FAM184A: variants seen among roughly 807,000 people sequenced by gnomAD.
The protein encoded by FAM184A is protein FAM184A.
A neutral mutation model predicts 143.8 loss-of-function variants in FAM184A; 99 were observed. That is an observed-to-expected ratio of 0.69 (90% CI 0.58 to 0.81). The LOEUF is 0.81. Among genes scored for constraint, FAM184A ranks in the 40% least tolerant of loss-of-function variants. The pLI, the probability that FAM184A is intolerant of heterozygous loss-of-function variation, is 0.00. For missense variants in FAM184A, 1,217 were observed against 1,310.5 expected (o/e 0.93, Z 1.10); for synonymous variants, 427 against 446.4 (o/e 0.96, Z 0.55).
At chr6:119,014,276 G>A (rs1785172535) in intron 5 of FAM184A, among the ~76,000 whole-genome samples, 1 of 152,234 alleles carries the variant, frequency 6.6e-6, no homozygotes, top group Admixed American at 6.5e-5. Context: ...CACTTTATCT[G>A]ACTTAATCCT....
In FAM184A at chr6:119,052,148, C is replaced by T. The variant is rs561079509; in HGVS notation, c.159+25993G>A. ...TCTCCTGTAATTCCTAAATTAGTTA[C>T]CTAACTCAAGCATAATTCAAAGACT... On this transcript the variant is annotated intron_variant, in intron 1 of 17. Transcript: ENST00000338891. Among the ~76,000 whole-genome samples the T allele has an allele frequency of 3.9e-5, 6 of 152,272 alleles. No homozygotes were observed. The East Asian group carries it at 1.2e-3, about 29-fold the overall frequency.
At chr6:119,000,571 G>T (rs898688100) in intron 9 of FAM184A, among the ~76,000 whole-genome samples, 24 of 152,080 alleles carry the variant, frequency 1.6e-4, no homozygotes, top group Non-Finnish European at 3.5e-4. Flanking sequence ...AGCCCATGAT[G>T]GCCGGCTTAA....
At chr6:118,986,009 T>C (rs971341167) in intron 9 of FAM184A, among the ~76,000 whole-genome samples, 8 of 152,122 alleles carry the variant, frequency 5.3e-5, no homozygotes, top group African/African-American at 1.9e-4. Flanking sequence ...GAAAAGTAAA[T>C]TTGGCCTGGC....
Position 119,030,772 on chromosome 6 carries a change from G to GA in FAM184A, c.160-5960dup, listed in dbSNP as rs895385177. Reference sequence around the variant, plus strand: ...AAAATTGGCTATTTTTTTACAAATAGAAAAAAAAACTCTCTTAAAGTCTCT... The same window carrying GA: ...AAAATTGGCTATTTTTTTACAAATAGAAAAAAAAAACTCTCTTAAAGTCTCT... On this transcript the variant is annotated intron_variant, in intron 1 of 17. Transcript: ENST00000338891. Among the ~76,000 whole-genome samples, 16 of 149,646 alleles carry GA rather than the reference G, an allele frequency of 1.1e-4. 1 individual carries two copies. Among genetic ancestry groups the GA allele is most frequent in the East Asian group, 2.0e-4 (1 of 5,102 alleles).
chr6:119,120,638 T>C (rs76114502), intron 1 of FAM184A, among the ~76,000 whole-genome samples: 8,935 of 152,314 alleles, frequency 0.059, 350 homozygotes, highest in Non-Finnish European at 0.088. Context: ...AGGGTTCAAA[T>C]TTCTCCATAT....
At chr6:118,960,857 C>T (rs756308057) in intron 17 of FAM184A, 5 of 1,361,490 alleles carry the variant, frequency 3.7e-6, no homozygotes, top group Non-Finnish European at 4.9e-6. Flanking sequence ...ATGCATCTTA[C>T]TGATACCTGA....
chr6:119,023,250 T>A (rs1402165995), intron 2 of FAM184A, among the ~76,000 whole-genome samples, 170 bp from the exon 3 acceptor site: 1 of 152,230 alleles, frequency 6.6e-6, no homozygotes. Context: ...TTCATAAACA[T>A]GACCCAATCA....
chr6:119,006,593 C>A lies in FAM184A; in HGVS notation c.1669G>T (p.Asp557Tyr), dbSNP rs746167661. 107 of 1,611,864 alleles carry A rather than the reference C, an allele frequency of 6.6e-5. No homozygotes were observed. Among genetic ancestry groups the A allele is most frequent in the Non-Finnish European group, 8.1e-5 (96 of 1,179,194 alleles). ...CCTTGTTCACTTTTCCTTACCATATCTTGGAGGTGGCCAATCTGTAAGTAA... is the reference window on the plus strand; with the variant it reads ...CCTTGTTCACTTTTCCTTACCATATATTGGAGGTGGCCAATCTGTAAGTAA... The part of the protein sequence containing the change: ...TANQEIGHLQ[D>Y]MVRKSEQGLG... The change falls in exon 7 of 18, where the codon GAT (aspartate) becomes TAT (tyrosine). Residue 557 changes from aspartate to tyrosine, a missense_variant. Coordinates refer to ENST00000338891, the MANE Select transcript of FAM184A (RefSeq NM_024581.6).
chr6:118,969,993 A>ATAAAATATATATATATAT lies in FAM184A; in HGVS notation c.2916-3042_2916-3041insATATATATATATATTTTA, dbSNP rs1189865476. Among the ~76,000 whole-genome samples the ATAAAATATATATATATAT allele has an allele frequency of 7.5e-3, 182 of 24,300 alleles. 40 individuals carry two copies. Among genetic ancestry groups the ATAAAATATATATATATAT allele is most frequent in the East Asian group, 0.026 (13 of 500 alleles). 15.9% of individuals were successfully genotyped at this position (24,300 alleles called of 152,430 possible). A position where few individuals can be genotyped will look rare whatever the true frequency, so the allele number is the denominator to read the frequency against. On this transcript the variant is annotated intron_variant, in intron 14 of 17. Transcript: ENST00000338891. ...AAATTGTTTGGGTGTATATATATAT[A>ATAAAATATATATATATAT]ATATATATATATATATTTTTTTTTT...
intron 9 of FAM184A, among the ~76,000 whole-genome samples, chr6:118,982,152 A>G (rs1184847738): frequency 6.6e-6 from 1 of 152,226 alleles, no homozygotes; most frequent in African/African-American, 2.4e-5. Flanking sequence ...ATTTTATGCA[A>G]TGAAAATCAG....
intron 1 of FAM184A, among the ~76,000 whole-genome samples, chr6:119,059,912 T>C (rs976157745): frequency 1.3e-5 from 2 of 152,222 alleles, no homozygotes; most frequent in African/African-American, 4.8e-5. Flanking sequence ...TTGTTTGGTA[T>C]AATTTTAATA....
At chr6:119,148,445 C>A (rs1029226432) in intron 1 of FAM184A, among the ~76,000 whole-genome samples, 1 of 152,204 alleles carries the variant, frequency 6.6e-6, no homozygotes, top group African/African-American at 2.4e-5. Context: ...TGGCCCTAAC[C>A]CCCACTGGGT....
chr6:119,116,539 T>G (rs1029111293), intron 1 of FAM184A, among the ~76,000 whole-genome samples: 5 of 152,190 alleles, frequency 3.3e-5, no homozygotes, highest in African/African-American at 1.2e-4. Flanking sequence ...AAACTTTCAG[T>G]AGTCAGACAT....
intron 1 of FAM184A, among the ~76,000 whole-genome samples, chr6:119,038,793 C>T (rs1420705923): frequency 2.0e-5 from 3 of 152,158 alleles, no homozygotes; most frequent in Non-Finnish European, 4.4e-5. Flanking sequence ...GGAACCCTCT[C>T]TTGGGGTCTG....
chr6:118,976,052 T>C lies in FAM184A; in HGVS notation c.2456-8A>G. 1 of 1,607,838 alleles carries C rather than the reference T, an allele frequency of 6.2e-7. No homozygotes were observed. ...GTTCTGAGCGCAAGGAAGCTGGAAT[T>C]GCAAGGCAAAAATACATTTGGCACA... On this transcript the variant is annotated splice_region_variant and splice_polypyrimidine_tract_variant and intron_variant, in intron 11 of 17. Coordinates refer to ENST00000338891, the MANE Select transcript of FAM184A (RefSeq NM_024581.6).
At chr6:119,007,172 T>C (rs898549042) in intron 6 of FAM184A, among the ~76,000 whole-genome samples, 4 of 152,204 alleles carry the variant, frequency 2.6e-5, no homozygotes, top group Admixed American at 2.0e-4. Flanking sequence ...TAATAGATAA[T>C]TGCTGATTAA....
rs1370325765 is a variant in FAM184A at position 119,023,945 on chromosome 6, T to C, written c.1014+14A>G. ...AAAAAAATCCATGTGTTGAATATAA[T>C]ATTCTTTACTTACCTGAACATTGTT... On this transcript the variant is annotated intron_variant, in intron 2 of 17. Transcript: ENST00000338891. 6.5e-7 allele frequency: 1 copy of C among 1,542,334 alleles called. No homozygotes were observed. Among genetic ancestry groups the C allele is most frequent in the Non-Finnish European group, 8.7e-7 (1 of 1,152,344 alleles).
In FAM184A at chr6:119,066,991, C is replaced by G. The variant is rs112876264; in HGVS notation, c.159+11150G>C. On this transcript the variant is annotated intron_variant, in intron 1 of 17. Coordinates refer to ENST00000338891, the MANE Select transcript of FAM184A (RefSeq NM_024581.6). ...GAAGTAACTGCAAACATGTTTTAGG[C>G]AAATGATGACTATGAAAGATTTTAT... 2.4e-4 allele frequency among the ~76,000 whole-genome samples: 36 copies of G among 152,192 alleles called. 2 individuals are homozygous for G. Among genetic ancestry groups the G allele is most frequent in the African/African-American group, 8.7e-4 (36 of 41,522 alleles).
chr6:118,960,767 AC>A lies in FAM184A; in HGVS notation c.3342-584del, dbSNP rs939549476. On this transcript the variant is annotated intron_variant, in intron 17 of 17. Transcript: ENST00000338891. The stretch of plus-strand genomic sequence containing the variant: ...TACTTAAGAAAACAAAAGAATCCCT[AC>A]CGTCTTTGGGGAAAATTACAAGGCA... 4 of 1,360,666 alleles carry A rather than the reference AC, an allele frequency of 2.9e-6. No homozygotes were observed. The African/African-American group carries it at 5.9e-5, about 20-fold the overall frequency. 84.3% of individuals were successfully genotyped at this position (1,360,666 alleles called of 1,614,324 possible). A position where few individuals can be genotyped will look rare whatever the true frequency, so the allele number is the denominator to read the frequency against.
Sources: gnomAD v4.1 joint callset for allele counts (sites outside exome capture counted in the v4.1 genomes callset) on GRCh38, gnomAD v4.1.1 for gene constraint, MANE v1.5 for transcripts, NCBI Gene and HGNC (gene_info 2026-07-23, HGNC 2026-07-21) for gene names.